PRKN: variants seen among roughly 807,000 people sequenced by gnomAD.
PRKN encodes parkin RBR E3 ubiquitin protein ligase, also known as E3 ubiquitin-protein ligase parkin.
Under a neutral mutation model 59.5 loss-of-function variants are expected in PRKN, and 56 were observed. The ratio of observed to expected loss-of-function variants is 0.94; its 90% CI spans 0.76 to 1.18. The LOEUF is 1.18. PRKN is among the 50% of genes most tolerant of loss of function. The pLI is 0.00. For synonymous variants in PRKN, 250 were observed against 222.1 expected (o/e 1.13, Z -1.12); for missense variants, 657 against 596.4 (o/e 1.10, Z -1.06).
chr6:162,684,334 T>C (rs1157693982), intron 1 of PRKN, among the ~76,000 whole-genome samples: 1 of 152,112 alleles, frequency 6.6e-6, no homozygotes. Flanking sequence ...AGTGTAACTA[T>C]TAAGATGTAA....
chr6:161,766,911 A>C (rs546425311), intron 7 of PRKN, among the ~76,000 whole-genome samples: 136 of 152,310 alleles, frequency 8.9e-4, no homozygotes, highest in African/African-American at 3.2e-3. Flanking sequence ...CTATGTTTAC[A>C]TTTAGCTTCT....
At chr6:161,817,428 A>T (rs1791834776) in intron 6 of PRKN, among the ~76,000 whole-genome samples, 2 of 152,238 alleles carry the variant, frequency 1.3e-5, no homozygotes, top group African/African-American at 2.4e-5. Context: ...AACTAGTGAC[A>T]AGGACAAATT....
intron 9 of PRKN, among the ~76,000 whole-genome samples, 158 bp from the exon 10 acceptor site, chr6:161,387,035 T>C (rs1786286272): frequency 6.6e-6 from 1 of 152,224 alleles, no homozygotes; most frequent in African/African-American, 2.4e-5. Context: ...AGTTATGTTT[T>C]GATGGGATTG....
intron 4 of PRKN, among the ~76,000 whole-genome samples, chr6:162,085,231 T>C (rs889143560): frequency 2.0e-5 from 3 of 150,992 alleles, no homozygotes; most frequent in African/African-American, 4.9e-5. Flanking sequence ...CCATGTTGTA[T>C]AAATGGAGGT....
chr6:162,591,674 T>C (rs1194751148), intron 1 of PRKN, among the ~76,000 whole-genome samples: 1 of 152,128 alleles, frequency 6.6e-6, no homozygotes, highest in African/African-American at 2.4e-5. Flanking sequence ...CCTTGAGGTA[T>C]TGAATACATT....
intron 9 of PRKN, among the ~76,000 whole-genome samples, chr6:161,536,770 A>G (rs1006356525): frequency 1.3e-5 from 2 of 152,190 alleles, no homozygotes; most frequent in African/African-American, 4.8e-5. Context: ...TGTTTTATCT[A>G]AATCATGTTT....
chr6:161,516,743 C>T (rs1778618509), intron 9 of PRKN, among the ~76,000 whole-genome samples: 1 of 135,884 alleles, frequency 7.4e-6, no homozygotes, highest in African/African-American at 2.8e-5. Context: ...AGGAGAATTG[C>T]TGAAACCTGG....
intron 4 of PRKN, among the ~76,000 whole-genome samples, chr6:162,173,151 C>T (rs77478441): frequency 2.2e-3 from 330 of 152,286 alleles, no homozygotes; most frequent in African/African-American, 7.2e-3. Context: ...TGGCCATCCT[C>T]CTGGGTTGTG....
intron 6 of PRKN, among the ~76,000 whole-genome samples, chr6:161,940,938 T>A (rs2128243017): frequency 6.6e-6 from 1 of 152,270 alleles, no homozygotes; most frequent in African/African-American, 2.4e-5. Flanking sequence ...ACCATGAAAT[T>A]CATCAGTACT....
intron 1 of PRKN, among the ~76,000 whole-genome samples, chr6:162,661,682 C>A (rs1778887395): frequency 6.6e-6 from 1 of 152,120 alleles, no homozygotes; most frequent in African/African-American, 2.4e-5. Flanking sequence ...TTAAATATGA[C>A]AGGGTTATGG....
intron 7 of PRKN, among the ~76,000 whole-genome samples, chr6:161,671,624 C>T (rs771074280): frequency 6.6e-6 from 1 of 151,954 alleles, no homozygotes; most frequent in Non-Finnish European, 1.5e-5. Context: ...ACTGGCCGGC[C>T]AATAAAAGTG....
At chr6:161,520,103 A>C (rs1452317550) in intron 9 of PRKN, among the ~76,000 whole-genome samples, 1 of 152,140 alleles carries the variant, frequency 6.6e-6, no homozygotes, top group Non-Finnish European at 1.5e-5. Context: ...AGGCAGGTGC[A>C]CAGTTGATGG....
intron 6 of PRKN, among the ~76,000 whole-genome samples, chr6:161,916,495 G>A (rs1234167554): frequency 2.6e-5 from 4 of 152,182 alleles, no homozygotes; most frequent in African/African-American, 9.7e-5. Flanking sequence ...TTTAGAAGAT[G>A]TCATTAGTGG....
chr6:161,512,934 C>T (rs1418478638), intron 9 of PRKN, among the ~76,000 whole-genome samples: 1 of 152,150 alleles, frequency 6.6e-6, no homozygotes, highest in Non-Finnish European at 1.5e-5. Flanking sequence ...AATATGGTTT[C>T]ATCAATACTG....
At chr6:161,915,766 A>C (rs888606644) in intron 6 of PRKN, among the ~76,000 whole-genome samples, 3 of 152,244 alleles carry the variant, frequency 2.0e-5, no homozygotes, top group Admixed American at 6.5e-5. Context: ...ACATTCTGGA[A>C]TATGTGAATA....
intron 2 of PRKN, among the ~76,000 whole-genome samples, chr6:162,335,171 G>A (rs900587902): frequency 1.3e-5 from 2 of 151,204 alleles, no homozygotes; most frequent in African/African-American, 2.4e-5. Flanking sequence ...ACGGCACCAC[G>A]TTTGGCTACT....
intron 2 of PRKN, among the ~76,000 whole-genome samples, chr6:162,428,183 T>A (rs1789335119): frequency 6.6e-6 from 1 of 152,226 alleles, no homozygotes; most frequent in Non-Finnish European, 1.5e-5. Flanking sequence ...ATTGCTAATG[T>A]CAGACTTGCA....
intron 4 of PRKN, among the ~76,000 whole-genome samples, chr6:162,173,896 A>G (rs1415351467): frequency 6.6e-6 from 1 of 152,236 alleles, no homozygotes; most frequent in Non-Finnish European, 1.5e-5. Context: ...GGTGTCAGCT[A>G]TTCTCATCGT....
At chr6:161,791,346 C>A (rs2128208059) in intron 6 of PRKN, among the ~76,000 whole-genome samples, 1 of 152,306 alleles carries the variant, frequency 6.6e-6, no homozygotes, top group South Asian at 2.1e-4. Context: ...AATATGGTTA[C>A]ACAGTGTTCC....
Sources: gnomAD v4.1 joint callset for allele counts (sites outside exome capture counted in the v4.1 genomes callset) on GRCh38, gnomAD v4.1.1 for gene constraint, MANE v1.5 for transcripts, NCBI Gene and HGNC (gene_info 2026-07-23, HGNC 2026-07-21) for gene names.